Variants in EYS observed in about 807,000 individuals in gnomAD.
The protein encoded by EYS is EGF-like photoreceptor maintenance factor, also known as protein eyes shut homolog.
A neutral mutation model predicts 282.1 loss-of-function variants in EYS; 250 were observed. The observed-to-expected ratio is 0.89, with a 90% CI of 0.80 to 0.98. The LOEUF (loss-of-function observed/expected upper bound fraction) is 0.98. Among genes scored for constraint, EYS ranks in the 50% least tolerant of loss-of-function variants. The pLI, the probability that EYS is intolerant of heterozygous loss-of-function variation, is 0.00. For missense variants in EYS, 4,016 were observed against 3,709.0 expected, an observed-to-expected ratio of 1.08 and a Z score of -2.15; for synonymous variants, 1,355 against 1,282.9, an observed-to-expected ratio of 1.06 and a Z score of -1.20.
intron 2 of EYS, among the ~76,000 whole-genome samples, chr6:65,528,290 T>C (rs1416761446): frequency 6.6e-6 from 1 of 152,200 alleles, no homozygotes. Flanking sequence ...TGAAATAGAA[T>C]TGATAACTAC....
intron 2 of EYS, among the ~76,000 whole-genome samples, chr6:65,563,906 A>G (rs2127347101): frequency 6.6e-6 from 1 of 152,318 alleles, no homozygotes; most frequent in East Asian, 1.9e-4. Flanking sequence ...AAATCTCCTT[A>G]AGCTTATGAG....
intron 12 of EYS, among the ~76,000 whole-genome samples, chr6:65,083,815 G>A (rs1774290110): frequency 6.6e-6 from 1 of 151,292 alleles, no homozygotes; most frequent in African/African-American, 2.4e-5. Context: ...TTTTATATTT[G>A]TATAATATAT....
At chr6:63,726,147 T>C (rs1468108641) in intron 42 of EYS, among the ~76,000 whole-genome samples, 1 of 152,182 alleles carries the variant, frequency 6.6e-6, no homozygotes, top group Admixed American at 6.5e-5. Context: ...TTTTTGGAGC[T>C]ATAAATGTGG....
At chr6:64,906,743 C>A (rs1767839191) in intron 16 of EYS, among the ~76,000 whole-genome samples, 1 of 152,122 alleles carries the variant, frequency 6.6e-6, no homozygotes, top group Non-Finnish European at 1.5e-5. Flanking sequence ...TTCCTTTCAC[C>A]TTGAAGACAT....
intron 1 of EYS, among the ~76,000 whole-genome samples, chr6:65,659,958 A>C (rs1390002592): frequency 1.3e-5 from 2 of 151,768 alleles, no homozygotes; most frequent in Admixed American, 6.6e-5. Flanking sequence ...GAGGGTGTTC[A>C]TGAGTTTAAG....
chr6:64,981,038 G>C (rs922050320), intron 14 of EYS, among the ~76,000 whole-genome samples: 21 of 151,258 alleles, frequency 1.4e-4, no homozygotes, highest in African/African-American at 4.4e-4. Context: ...CTTAGAAAAG[G>C]TTTGATCAAT....
At chr6:64,815,152 C>A in intron 21 of EYS, 1 of 410,796 alleles carries the variant, frequency 2.4e-6, no homozygotes, top group Non-Finnish European at 4.9e-6. Context: ...TGTACACCCC[C>A]ACCCCCTACA....
At chr6:64,831,606 T>G (rs1765219942) in intron 19 of EYS, among the ~76,000 whole-genome samples, 1 of 151,922 alleles carries the variant, frequency 6.6e-6, no homozygotes, top group African/African-American at 2.4e-5. Flanking sequence ...CATTTAAATC[T>G]TATTTCTCCT....
At chr6:63,861,566 C>T (rs1288314209) in intron 36 of EYS, among the ~76,000 whole-genome samples, 1 of 152,052 alleles carries the variant, frequency 6.6e-6, no homozygotes, top group Non-Finnish European at 1.5e-5. Flanking sequence ...TGATCTAGGC[C>T]CTGCTAACAT....
intron 22 of EYS, among the ~76,000 whole-genome samples, chr6:64,805,814 A>T (rs558992740): frequency 1.3e-5 from 2 of 151,654 alleles, no homozygotes; most frequent in Non-Finnish European, 3.0e-5. Context: ...GTACAAAAAT[A>T]CATAATTTTT....
intron 14 of EYS, among the ~76,000 whole-genome samples, chr6:64,948,530 T>C (rs1452248782): frequency 6.8e-6 from 1 of 146,178 alleles, no homozygotes; most frequent in Non-Finnish European, 1.5e-5. Flanking sequence ...TATATTCCAC[T>C]AGAAAACTGA....
chr6:64,533,906 A>G (rs1244118387), intron 26 of EYS, among the ~76,000 whole-genome samples: 6 of 151,964 alleles, frequency 3.9e-5, no homozygotes, highest in African/African-American at 1.2e-4. Flanking sequence ...ACAATGTATT[A>G]TAGGGTTTAT....
chr6:64,242,944 T>C (rs1439317897), intron 30 of EYS, among the ~76,000 whole-genome samples: 2 of 146,472 alleles, frequency 1.4e-5, no homozygotes, highest in East Asian at 3.9e-4. Flanking sequence ...ATATATATTT[T>C]ATATATTATA....
At position 64,405,475 on chromosome 6, in the gene EYS, C is replaced by T. The variant is rs552310515; in HGVS notation, c.5928-16635G>A. On this transcript the variant is annotated intron_variant, in intron 28 of 42. Transcript: ENST00000503581. Reference sequence around the variant, plus strand: ...TTCAACATAGTATTAGAAGTTCTGGCCCGGCAATCAAGCAAGAGAAATAAA... The same window carrying T: ...TTCAACATAGTATTAGAAGTTCTGGTCCGGCAATCAAGCAAGAGAAATAAA... Among the ~76,000 whole-genome samples, 15 of 152,184 alleles carry T rather than the reference C, an allele frequency of 9.9e-5. No homozygotes were observed. The South Asian group carries it at 2.9e-3, about 29-fold the overall frequency.
chr6:64,199,276 G>T (rs1351332460), intron 31 of EYS, among the ~76,000 whole-genome samples: 1 of 152,086 alleles, frequency 6.6e-6, no homozygotes, highest in Non-Finnish European at 1.5e-5. Context: ...CAGAAATAAT[G>T]CCACACATCT....
At chr6:65,042,505 A>T (rs547712900) in intron 13 of EYS, among the ~76,000 whole-genome samples, 15 of 150,304 alleles carry the variant, frequency 1.0e-4, no homozygotes, top group African/African-American at 3.4e-4. Flanking sequence ...CCCTTTTTAA[A>T]TTTTTTTTTA....
intron 1 of EYS, among the ~76,000 whole-genome samples, chr6:65,678,132 C>T (rs1768689679): frequency 6.6e-6 from 1 of 151,880 alleles, no homozygotes; most frequent in Admixed American, 6.6e-5. Context: ...ATGATGAGAG[C>T]GTGAGCAAGG....
intron 28 of EYS, among the ~76,000 whole-genome samples, chr6:64,401,470 C>T (rs1293388278): frequency 6.6e-6 from 1 of 151,684 alleles, no homozygotes; most frequent in Non-Finnish European, 1.5e-5. Context: ...TTGGCTATTC[C>T]CACAAATATA....
At chr6:64,170,921 A>G (rs555527575) in intron 31 of EYS, among the ~76,000 whole-genome samples, 1 of 152,188 alleles carries the variant, frequency 6.6e-6, no homozygotes, top group South Asian at 2.1e-4. Flanking sequence ...CAGGATAGGT[A>G]TGACATACTG....
Sources: allele counts gnomAD v4.1 joint callset (sites outside exome capture counted in the v4.1 genomes callset), GRCh38; gene constraint gnomAD v4.1.1; transcripts MANE v1.5; gene names NCBI Gene and HGNC (gene_info 2026-07-23, HGNC 2026-07-21).